CRYBG1: variants seen among roughly 807,000 people sequenced by gnomAD.
The protein encoded by CRYBG1 is crystallin beta-gamma domain containing 1, also known as beta/gamma crystallin domain-containing protein 1.
A neutral mutation model predicts 189.2 loss-of-function variants in CRYBG1; 139 were observed. The observed-to-expected ratio is 0.73, with a 90% confidence interval of 0.64 to 0.85. The LOEUF (loss-of-function observed/expected upper bound fraction) is 0.85. Ranked by LOEUF, CRYBG1 falls within the 40% of genes least tolerant of loss-of-function variation. The probability of loss-of-function intolerance (pLI) is 0.00; values close to 1 mark genes in which losing one functional copy is unlikely to be tolerated. For synonymous variants in CRYBG1, 1,023 were observed against 1,017.1 expected, an observed-to-expected ratio of 1.01 and a Z score of -0.11; for missense variants, 2,611 against 2,675.8, an observed-to-expected ratio of 0.98 and a Z score of 0.53.
At chr6:106,432,055 A>G (rs1884461) in intron 1 of CRYBG1, among the ~76,000 whole-genome samples, 59,907 of 152,084 alleles carry the variant, frequency 0.39, 12,397 homozygotes, top group East Asian at 0.68. Flanking sequence ...CTTAATGACC[A>G]GAATATTAAT....
chr6:106,453,790 A>G (rs1275186804), intron 2 of CRYBG1, among the ~76,000 whole-genome samples: 23 of 152,206 alleles, frequency 1.5e-4, no homozygotes, highest in Admixed American at 1.5e-3. Flanking sequence ...GGCTGCCCAC[A>G]GGAGCAGCCC....
intron 9 of CRYBG1, 123 bp from the exon 10 acceptor site, chr6:106,541,463 G>C: frequency 1.0e-6 from 1 of 985,152 alleles, no homozygotes; most frequent in Non-Finnish European, 1.6e-6. Context: ...TCTCACGTAA[G>C]TTAAAACAAA....
In CRYBG1 at chr6:106,558,628, GAGTT is replaced by G. The variant is rs757268537; in HGVS notation, c.5855+5_5855+8del. On this transcript the variant is annotated splice_donor_5th_base_variant and intron_variant, in intron 18 of 21. Transcript: ENST00000633556. ...TCTGTTCAGGTTATTGGTGGCATGTGAGTTACCTACTTGTTGACTCAATAAAATA... is the reference window on the plus strand; with the variant it reads ...TCTGTTCAGGTTATTGGTGGCATGTGACCTACTTGTTGACTCAATAAAATA... The G allele has an allele frequency of 1.3e-6, 2 of 1,595,976 alleles. No individual in the cohort carries two copies. Among genetic ancestry groups the G allele is most frequent in the Non-Finnish European group, 1.7e-6 (2 of 1,173,686 alleles).
chr6:106,435,173 A>G (rs183840235), intron 1 of CRYBG1, among the ~76,000 whole-genome samples: 167 of 152,032 alleles, frequency 1.1e-3, no homozygotes, highest in African/African-American at 3.7e-3. Context: ...CTACAAAGTC[A>G]TTATTATTAT....
At chr6:106,367,966 A>G (rs1333906256) in intron 1 of CRYBG1, among the ~76,000 whole-genome samples, 1 of 152,180 alleles carries the variant, frequency 6.6e-6, no homozygotes, top group Admixed American at 6.5e-5. Flanking sequence ...AATCGTAATA[A>G]TAAATGAGTA....
At chr6:106,527,230 T>A in intron 6 of CRYBG1, 75 bp from the exon 7 acceptor site, 1 of 1,306,602 alleles carries the variant, frequency 7.7e-7, no homozygotes, top group Non-Finnish European at 1.0e-6. Flanking sequence ...AAAATGGCAA[T>A]TAGCCAGGTT....
At chr6:106,488,011 A>G (rs1191375038) in intron 2 of CRYBG1, among the ~76,000 whole-genome samples, 1 of 152,032 alleles carries the variant, frequency 6.6e-6, no homozygotes, top group Non-Finnish European at 1.5e-5. Flanking sequence ...GGAATGGTGC[A>G]TTGACTTTGG....
intron 20 of CRYBG1, 56 bp downstream of exon 20, chr6:106,561,556 C>T: frequency 6.5e-7 from 1 of 1,548,930 alleles, no homozygotes; most frequent in Non-Finnish European, 8.8e-7. Context: ...GGTGACTCAT[C>T]CTTTCATATG....
At chr6:106,489,750 G>T (rs891884278) in intron 2 of CRYBG1, among the ~76,000 whole-genome samples, 2 of 70,712 alleles carry the variant, frequency 2.8e-5, no homozygotes, top group Non-Finnish European at 5.0e-5. Context: ...ACAAGATTGT[G>T]CCACTGCACT....
At chr6:106,374,330 G>A (rs114379917) in intron 1 of CRYBG1, among the ~76,000 whole-genome samples, 3,179 of 152,254 alleles carry the variant, frequency 0.021, 47 homozygotes, top group South Asian at 0.053. Context: ...AAGGTGGGAG[G>A]ATTGCTTGAA....
chr6:106,440,537 G>A (rs1430640610), intron 1 of CRYBG1, among the ~76,000 whole-genome samples: 1 of 152,192 alleles, frequency 6.6e-6, no homozygotes, highest in Non-Finnish European at 1.5e-5. Flanking sequence ...AAAGTGCTGG[G>A]ATTACAGGTG....
intron 18 of CRYBG1, among the ~76,000 whole-genome samples, chr6:106,560,505 T>A (rs554351706): frequency 6.6e-6 from 1 of 152,324 alleles, no homozygotes; most frequent in South Asian, 2.1e-4. Context: ...TATGAATAGT[T>A]CCCAGGAAGA....
rs182300457 is a variant in CRYBG1 at position 106,463,148 on chromosome 6, T to G, written c.312+11316T>G. On this transcript the variant is annotated intron_variant, in intron 2 of 21. Coordinates refer to ENST00000633556, the MANE Select transcript of CRYBG1 (RefSeq NM_001371242.2). ...CAGCCTGGGTGATAGAGAAAGACCC[T>G]GTCTCTAAAAAACAAAACAAGCCAG... Among the ~76,000 whole-genome samples, 956 of 152,200 alleles carry G rather than the reference T, an allele frequency of 6.3e-3. 5 individuals carry two copies. Among genetic ancestry groups the G allele is most frequent in the Middle Eastern group, 0.014 (4 of 294 alleles).
At chr6:106,384,948 C>CT (rs1291642830) in intron 1 of CRYBG1, among the ~76,000 whole-genome samples, 1 of 143,116 alleles carries the variant, frequency 7.0e-6, no homozygotes. Context: ...CCAATGTTCA[C>CT]TCATCACTCC....
chr6:106,489,006 A>T (rs1772655517), intron 2 of CRYBG1, among the ~76,000 whole-genome samples: 1 of 152,182 alleles, frequency 6.6e-6, no homozygotes, highest in Non-Finnish European at 1.5e-5. Context: ...ACTCCCAGCA[A>T]CTGTTCACAC....
intron 2 of CRYBG1, among the ~76,000 whole-genome samples, chr6:106,453,536 G>A (rs1303512276): frequency 6.6e-6 from 1 of 152,178 alleles, no homozygotes; most frequent in East Asian, 1.9e-4. Context: ...GATAAACCCA[G>A]TCATTGGCCC....
chr6:106,386,391 T>A (rs1397958770), intron 1 of CRYBG1, among the ~76,000 whole-genome samples: 2 of 152,182 alleles, frequency 1.3e-5, no homozygotes, highest in Non-Finnish European at 2.9e-5. Flanking sequence ...GTAAATAAAA[T>A]AATGGATAGG....
chr6:106,525,396 G>A lies in CRYBG1; in HGVS notation c.4412+10G>A. 6.3e-7 allele frequency: 1 copy of A among 1,598,754 alleles called. No homozygotes were observed. The highest frequency in any genetic ancestry group is 1.1e-5 in the South Asian group (1 of 90,724). On this transcript the variant is annotated intron_variant, in intron 6 of 21. Coordinates refer to ENST00000633556, the MANE Select transcript of CRYBG1 (RefSeq NM_001371242.2). ...AAGTTGTTAGAGGATGGTAAGAATG[G>A]CACTTTAAGTTCCTGATGTCAAGTG...
At chr6:106,525,024 C>T (rs1489415830) in intron 4 of CRYBG1, 109 bp from the exon 5 acceptor site, 5 of 1,102,576 alleles carry the variant, frequency 4.5e-6, no homozygotes, top group Admixed American at 4.0e-5. Context: ...GTTTCAAAAT[C>T]GATACAATGT....
Sources: gnomAD v4.1 joint callset for allele counts (sites outside exome capture counted in the v4.1 genomes callset) on GRCh38, gnomAD v4.1.1 for gene constraint, MANE v1.5 for transcripts, NCBI Gene and HGNC (gene_info 2026-07-23, HGNC 2026-07-21) for gene names.